SYAP1: variants seen among roughly 807,000 people sequenced by gnomAD.
SYAP1 encodes the protein synapse associated protein 1.
SYAP1 carries 3 observed loss-of-function variants against 29.6 expected under a neutral mutation model. The ratio of observed to expected loss-of-function variants is 0.10; its 90% CI spans 0.05 to 0.26. The LOEUF is 0.26. Ranked by LOEUF, SYAP1 falls within the 10% of genes least tolerant of loss-of-function variation. The pLI, the probability that SYAP1 is intolerant of heterozygous loss-of-function variation, is 1.00. For synonymous variants in SYAP1, 102 were observed against 102.7 expected (o/e 0.99, Z 0.04); for missense variants, 217 against 264.1 (o/e 0.82, Z 1.24).
chrX:16,732,078 A>G (rs769137245), intron 1 of SYAP1, among the ~76,000 whole-genome samples: 1 of 112,683 alleles, frequency 8.9e-6, no homozygotes, highest in Admixed American at 9.5e-5. Flanking sequence ...AAATGTAAAC[A>G]AAAATATATG....
At chrX:16,727,436 C>T (rs1340309542) in intron 1 of SYAP1, among the ~76,000 whole-genome samples, 18 of 107,380 alleles carry the variant, frequency 1.7e-4, no homozygotes, top group Non-Finnish European at 2.9e-4. Flanking sequence ...CTCCGCCTCC[C>T]GGGTTCAAGT....
chrX:16,755,366 A>G (rs1391429973), intron 6 of SYAP1, among the ~76,000 whole-genome samples: 1 of 107,343 alleles, frequency 9.3e-6, no homozygotes, highest in Non-Finnish European at 1.9e-5. Context: ...TATGTTGCCC[A>G]GGCTGTCCTC....
chrX:16,762,248 C>G lies in SYAP1; in HGVS notation c.*1889C>G, dbSNP rs1293229198. ...TATCAGGATGTGTCGGTGCTTGGCT[C>G]TTAGTGAATGCACTAAAATTCTTAT... On this transcript the variant is annotated 3_prime_UTR_variant, in exon 9 of 9. Coordinates refer to ENST00000380155, the MANE Select transcript of SYAP1 (RefSeq NM_032796.4). The G allele has an allele frequency of 3.6e-5, 4 of 111,410 alleles. No individual in the cohort carries two copies. The highest frequency in any genetic ancestry group is 7.5e-5 in the Non-Finnish European group (4 of 53,165). 9.2% of individuals were successfully genotyped at this position (111,410 alleles called of 1,213,427 possible). A position where few individuals can be genotyped will look rare whatever the true frequency, so the allele number is the denominator to read the frequency against.
intron 1 of SYAP1, among the ~76,000 whole-genome samples, chrX:16,732,336 C>T (rs894232737): frequency 1.8e-5 from 2 of 109,662 alleles, no homozygotes; most frequent in African/African-American, 3.3e-5. Flanking sequence ...AGGCAAAAAA[C>T]TCTTGAGCTT....
chrX:16,726,319 G>A (rs974317047), intron 1 of SYAP1, among the ~76,000 whole-genome samples: 1 of 111,318 alleles, frequency 9.0e-6, no homozygotes, highest in Non-Finnish European at 1.9e-5. Context: ...GGGTCCAGGT[G>A]CTGAGGTGAT....
chrX:16,744,628 C>T (rs372923827), intron 5 of SYAP1, among the ~76,000 whole-genome samples: 4 of 111,903 alleles, frequency 3.6e-5, no homozygotes, highest in East Asian at 5.6e-4. Context: ...AGGTTGAGTT[C>T]GAGACCAGCC....
chrX:16,742,143 G>GTTTTT (rs144175479), intron 4 of SYAP1, among the ~76,000 whole-genome samples: 2 of 41,863 alleles, frequency 4.8e-5, no homozygotes, highest in East Asian at 9.2e-4. Flanking sequence ...TTTTTGTGTG[G>GTTTTT]TTTTTTTTTT....
chrX:16,758,125 C>T (rs1056367687), intron 8 of SYAP1, among the ~76,000 whole-genome samples: 8 of 110,774 alleles, frequency 7.2e-5, no homozygotes, highest in African/African-American at 2.6e-4. Context: ...CTCACTGCAG[C>T]CTCAAACTCC....
In SYAP1 at chrX:16,763,312, G is replaced by A. The variant is rs1927022792; in HGVS notation, c.*2953G>A. On this transcript the variant is annotated 3_prime_UTR_variant, in exon 9 of 9. Coordinates refer to ENST00000380155, the MANE Select transcript of SYAP1 (RefSeq NM_032796.4). Reference sequence around the variant, plus strand: ...AGGGAGGGGGGGCAAGTTTTTAGGGGGATGAGAAATATTCTTGGTAAATCG... The same window carrying A: ...AGGGAGGGGGGGCAAGTTTTTAGGGAGATGAGAAATATTCTTGGTAAATCG... 1.5e-5 allele frequency: 1 copy of A among 68,923 alleles called. No homozygotes were observed. Among genetic ancestry groups the A allele is most frequent in the Non-Finnish European group, 2.6e-5 (1 of 38,571 alleles). The allele number at this position is 68,923 out of a possible 1,213,427, so 5.7% of individuals were successfully genotyped here.
chrX:16,740,685 G>A (rs756765167), intron 3 of SYAP1, among the ~76,000 whole-genome samples: 114 of 111,052 alleles, frequency 1.0e-3, no homozygotes, highest in African/African-American at 3.2e-3. Flanking sequence ...GTACACAAAT[G>A]TTCAGTACAC....
chrX:16,748,752 T>C (rs749700129), intron 5 of SYAP1, among the ~76,000 whole-genome samples: 19 of 89,705 alleles, frequency 2.1e-4, no homozygotes, highest in African/African-American at 7.2e-4. Flanking sequence ...TTTTTTTCTT[T>C]TTTTTTTCTT....
At chrX:16,730,766 GTTACT>G (rs1190114422) in intron 1 of SYAP1, among the ~76,000 whole-genome samples, 1 of 112,190 alleles carries the variant, frequency 8.9e-6, no homozygotes, top group Non-Finnish European at 1.9e-5. Context: ...TAAACATCCA[GTTACT>G]TTACTTTAGG....
intron 3 of SYAP1, among the ~76,000 whole-genome samples, chrX:16,738,751 G>A (rs939197639): frequency 2.7e-5 from 3 of 112,163 alleles, no homozygotes; most frequent in East Asian, 2.8e-4. Context: ...AGCCCAGAGA[G>A]GGGAGAGTTT....
chrX:16,760,324 A>G lies in SYAP1; in HGVS notation c.1024A>G (p.Lys342Glu). 8.3e-7 allele frequency: 1 copy of G among 1,201,883 alleles called. No homozygotes were observed. Residue 342 changes from lysine to glutamate, a missense_variant, in exon 9 of 9, where the codon AAG becomes GAG. Lys to Glu is a moderately conservative substitution (Grantham distance 56). Transcript: ENST00000380155. ...ESEKRDENWD[K>E]EIEKMLQEEN is the part of the protein sequence containing the mutation. ...TGAAAAACGAGATGAAAACTGGGAT[A>G]AGGAAATAGAGAAAATGCTTCAAGA...
At chrX:16,752,328 T>C in intron 5 of SYAP1, among the ~76,000 whole-genome samples, 1 of 107,199 alleles carries the variant, frequency 9.3e-6, no homozygotes, top group Admixed American at 1.0e-4. Context: ...TCAAGATTTT[T>C]ATTTAATTTC....
At chrX:16,733,493 A>G (rs1926253226) in intron 1 of SYAP1, among the ~76,000 whole-genome samples, 1 of 110,861 alleles carries the variant, frequency 9.0e-6, no homozygotes. Context: ...CAACAGGTGT[A>G]AGTAAGAGAG....
chrX:16,728,867 G>A (rs1015902326), intron 1 of SYAP1, among the ~76,000 whole-genome samples: 8 of 107,018 alleles, frequency 7.5e-5, no homozygotes, highest in African/African-American at 1.4e-4. Flanking sequence ...GTGAAAGCCC[G>A]TCTCTACTAA....
At chrX:16,724,320 G>T (rs998334498) in intron 1 of SYAP1, among the ~76,000 whole-genome samples, 1 of 111,502 alleles carries the variant, frequency 9.0e-6, no homozygotes, top group Non-Finnish European at 1.9e-5. Context: ...GGGACTGGTC[G>T]TATAGGTATC....
rs190149081 is a variant in SYAP1, at chrX:16,731,856, C to G, written c.176-3371C>G. ...TCCAGAGGCTGAGGCAGGAAAATCA[C>G]TTGAACTCAGGAGGCGGAGGTTGCA... On this transcript the variant is annotated intron_variant, in intron 1 of 8. Coordinates refer to ENST00000380155, the MANE Select transcript of SYAP1 (RefSeq NM_032796.4). Among the ~76,000 whole-genome samples, 184 of 110,550 alleles carry G rather than the reference C, an allele frequency of 1.7e-3. 1 individual carries two copies. The highest frequency in any genetic ancestry group is 5.9e-3 in the African/African-American group (176 of 29,839).
Sources: allele counts gnomAD v4.1 joint callset (sites outside exome capture counted in the v4.1 genomes callset), GRCh38; gene constraint gnomAD v4.1.1; transcripts MANE v1.5; gene names NCBI Gene and HGNC (gene_info 2026-07-23, HGNC 2026-07-21).